The following NDE1 variants were observed in gnomAD, a reference collection of about 807,000 sequenced individuals.
The protein encoded by NDE1 is nudE neurodevelopment protein 1, also known as nuclear distribution protein nudE homolog 1.
NDE1 carries 28 observed loss-of-function variants against 43.4 expected under a neutral mutation model. The observed-to-expected ratio is 0.65, with a 90% CI of 0.48 to 0.89. The LOEUF is 0.89. Among genes scored for constraint, NDE1 ranks in the 40% least tolerant of loss-of-function variants. NDE1 has a pLI of 0.00. For missense variants in NDE1, 441 were observed against 434.1 expected (o/e 1.02, Z -0.14); for synonymous variants, 184 against 172.0 (o/e 1.07, Z -0.55).
intron 1 of NDE1, among the ~76,000 whole-genome samples, chr16:15,654,084 T>C (rs1220274186): frequency 6.6e-6 from 1 of 152,156 alleles, no homozygotes; most frequent in Non-Finnish European, 1.5e-5. Context: ...ATAGATACTT[T>C]TTGTACCACT....
At position 15,691,254 on chromosome 16, in the gene NDE1, G is replaced by C. The variant is rs765685571; in HGVS notation, c.634G>C (p.Val212Leu). ...CACAGCTGTGCAGGCCACGGGCTCC[G>C]TGCCGTCCACGCCCATTGCTCACCG... ...TDTAVQATGSVPSTPIAHRGP... is the reference protein window; with the variant it reads ...TDTAVQATGSLPSTPIAHRGP... Residue 212 changes from valine (V) to leucine (L), a missense_variant, in exon 6 of 9, where the codon GTG (valine) becomes CTG (leucine). Val to Leu is a conservative substitution (Grantham distance 32). Transcript: ENST00000396354. 2.2e-5 allele frequency: 36 copies of C among 1,614,074 alleles called. No individual in the cohort carries two copies. The highest frequency in any genetic ancestry group is 2.9e-5 in the Non-Finnish European group (34 of 1,180,046).
At chr16:15,687,546 C>T (rs745867751) in intron 5 of NDE1, 35 bp downstream of exon 5, 1 of 1,568,988 alleles carries the variant, frequency 6.4e-7, no homozygotes, top group Non-Finnish European at 8.8e-7. Context: ...CAGCATGGTC[C>T]CCTCTCCCTA....
intron 8 of NDE1, chr16:15,703,566 A>G: frequency 3.0e-6 from 1 of 336,452 alleles, no homozygotes; most frequent in African/African-American, 2.1e-5. Flanking sequence ...TTCAATTTTT[A>G]CCTTGAATAC....
chr16:15,703,944 T>G (rs1288000802), intron 8 of NDE1: 2 of 1,613,284 alleles, frequency 1.2e-6, no homozygotes, highest in Admixed American at 3.3e-5. Context: ...GTTTGTTTGT[T>G]TTGGTTTTTG....
chr16:15,694,285 G>C (rs1349334530), intron 7 of NDE1, 29 bp downstream of exon 7: 2 of 1,607,230 alleles, frequency 1.2e-6, no homozygotes, highest in Non-Finnish European at 1.7e-6. Context: ...GGCGTTTGGT[G>C]CCTTCCTGCC....
chr16:15,677,546 G>A (rs931757526), intron 3 of NDE1, among the ~76,000 whole-genome samples: 8 of 151,520 alleles, frequency 5.3e-5, no homozygotes, highest in Admixed American at 3.3e-4. Flanking sequence ...GGATCTTGCC[G>A]CTGCACTCAA....
chr16:15,689,712 G>C (rs894851701), intron 5 of NDE1, among the ~76,000 whole-genome samples: 1 of 152,006 alleles, frequency 6.6e-6, no homozygotes, highest in African/African-American at 2.4e-5. Context: ...GGCCAAGGTG[G>C]GTGGATCACC....
intron 8 of NDE1, 105 bp from the exon 9 acceptor site, chr16:15,724,086 C>A: frequency 6.2e-7 from 1 of 1,603,722 alleles, no homozygotes; most frequent in Non-Finnish European, 8.5e-7. Flanking sequence ...GCCAGAGCCA[C>A]GCGTCATACT....
At chr16:15,645,053 A>C (rs572084122) in intron 1 of NDE1, among the ~76,000 whole-genome samples, 1 of 151,052 alleles carries the variant, frequency 6.6e-6, no homozygotes, top group African/African-American at 2.4e-5. Context: ...CTGAGTAGCT[A>C]GGATTACAGG....
chr16:15,664,708 G>T (rs2037214021), intron 1 of NDE1, 28 bp from the exon 2 acceptor site: 6 of 1,198,108 alleles, frequency 5.0e-6, no homozygotes, highest in Middle Eastern at 1.9e-4. Context: ...CCAGATGTGG[G>T]TAATCATTTT....
chr16:15,696,616 C>T, intron 7 of NDE1, 93 bp from the exon 8 acceptor site: 1 of 1,604,534 alleles, frequency 6.2e-7, no homozygotes, highest in Non-Finnish European at 8.5e-7. Context: ...AGTTTGAGAA[C>T]CACTGTCTGG....
Position 15,724,901 on chromosome 16 carries a change from A to T in NDE1, c.*650A>T. ...CAGGACACTCACCTGGGTGTCCTGG[A>T]GCTGGGAACTGAGGGACGCCACGTC... is the stretch of plus-strand genomic sequence containing the variant. On this transcript the variant is annotated 3_prime_UTR_variant, in exon 9 of 9. Coordinates refer to ENST00000396354, the MANE Select transcript of NDE1 (RefSeq NM_017668.3). 1 of 1,614,096 alleles carries T rather than the reference A, an allele frequency of 6.2e-7. No homozygotes were observed. The highest frequency in any genetic ancestry group is 1.7e-5 in the Admixed American group (1 of 60,004).
intron 3 of NDE1, among the ~76,000 whole-genome samples, chr16:15,677,136 G>C (rs954660884): frequency 6.6e-6 from 1 of 152,136 alleles, no homozygotes; most frequent in Non-Finnish European, 1.5e-5. Flanking sequence ...ACACCTGCCT[G>C]TTCCCACCAC....
At chr16:15,644,533 T>G (rs112545455) in intron 1 of NDE1, among the ~76,000 whole-genome samples, 2 of 152,372 alleles carry the variant, frequency 1.3e-5, no homozygotes, top group African/African-American at 4.8e-5. Flanking sequence ...TTCCCAATAC[T>G]TTGAGAGGCT....
chr16:15,719,288 C>A lies in NDE1; in HGVS notation c.948-4903C>A, dbSNP rs777827294. The A allele has an allele frequency of 6.2e-6, 10 of 1,612,296 alleles. No individual in the cohort carries two copies. Among genetic ancestry groups the A allele is most frequent in the Middle Eastern group, 1.6e-4 (1 of 6,084 alleles). ...TCTCGAGGTCCGCTTGTTTGCGAGCCCTCTCAGCGGCGGCGAGGTCCTAGG... is the reference window on the plus strand; with the variant it reads ...TCTCGAGGTCCGCTTGTTTGCGAGCACTCTCAGCGGCGGCGAGGTCCTAGG... On this transcript the variant is annotated intron_variant, in intron 8 of 8. Coordinates refer to ENST00000396354, the MANE Select transcript of NDE1 (RefSeq NM_017668.3).
chr16:15,721,009 T>C (rs2040443040), intron 8 of NDE1: 1 of 1,614,066 alleles, frequency 6.2e-7, no homozygotes, highest in Non-Finnish European at 8.5e-7. Context: ...ATCTCCTCCA[T>C]CTGGGTCTCC....
At chr16:15,701,000 C>T (rs2039201062) in intron 8 of NDE1, among the ~76,000 whole-genome samples, 1 of 152,066 alleles carries the variant, frequency 6.6e-6, no homozygotes, top group Non-Finnish European at 1.5e-5. Context: ...CTTTGGAAGG[C>T]CGAGGCGGGT....
chr16:15,685,745 C>T (rs1045068027), intron 4 of NDE1, among the ~76,000 whole-genome samples: 23 of 152,104 alleles, frequency 1.5e-4, no homozygotes, highest in South Asian at 4.2e-4. Context: ...GATCAAGTTC[C>T]GCAATGATAC....
intron 6 of NDE1, 123 bp from the exon 7 acceptor site, chr16:15,694,042 C>A: frequency 1.7e-6 from 2 of 1,169,856 alleles, no homozygotes; most frequent in Non-Finnish European, 2.5e-6. Context: ...AATAGGGTAG[C>A]TTTTGGGATC....
Sources: allele counts gnomAD v4.1 joint callset (sites outside exome capture counted in the v4.1 genomes callset), GRCh38; gene constraint gnomAD v4.1.1; transcripts MANE v1.5; gene names NCBI Gene and HGNC (gene_info 2026-07-23, HGNC 2026-07-21).